The following SOS1 variants were observed in gnomAD, a reference collection of about 807,000 sequenced individuals.
SOS1 encodes the protein son of sevenless homolog 1.
Under a neutral mutation model 157.6 loss-of-function variants are expected in SOS1, and 25 were observed. The observed-to-expected ratio is 0.16, with a 90% CI of 0.12 to 0.22. SOS1 has a LOEUF of 0.22. Ranked by LOEUF, SOS1 falls within the 10% of genes least tolerant of loss-of-function variation. The probability of loss-of-function intolerance (pLI) is 1.00; values close to 1 mark genes in which losing one functional copy is unlikely to be tolerated. For missense variants in SOS1, 1,237 were observed against 1,599.1 expected (o/e 0.77, Z 3.86); for synonymous variants, 528 against 534.0 (o/e 0.99, Z 0.16).
intron 6 of SOS1, among the ~76,000 whole-genome samples, chr2:39,045,149 C>A (rs1158061000): frequency 6.6e-6 from 1 of 151,724 alleles, no homozygotes; most frequent in Admixed American, 6.6e-5. Context: ...TATTTTTCCC[C>A]AAAAATATTT....
intron 17 of SOS1, 126 bp from the exon 18 acceptor site, chr2:38,997,551 G>C (rs1420326220): frequency 3.4e-6 from 2 of 584,372 alleles, no homozygotes; most frequent in East Asian, 5.7e-5. Flanking sequence ...CCAAGGCTCA[G>C]ATTTCCATGA....
intron 8 of SOS1, among the ~76,000 whole-genome samples, chr2:39,030,098 C>T (rs745313924): frequency 6.0e-4 from 91 of 150,914 alleles, no homozygotes; most frequent in African/African-American, 1.3e-3. Flanking sequence ...CCCAGGTGGT[C>T]GAGGTTACAG....
intron 1 of SOS1, among the ~76,000 whole-genome samples, chr2:39,111,239 A>T (rs541321169): frequency 4.8e-4 from 73 of 152,306 alleles, no homozygotes; most frequent in African/African-American, 9.6e-4. Flanking sequence ...TCTCAAAAAA[A>T]AATAATAATA....
chr2:39,043,165 ATTGC>A (rs1670632099), intron 6 of SOS1, among the ~76,000 whole-genome samples: 1 of 152,192 alleles, frequency 6.6e-6, no homozygotes, highest in African/African-American at 2.4e-5. Flanking sequence ...GTTCCCTTCT[ATTGC>A]TTGTTTGCCC....
intron 1 of SOS1, among the ~76,000 whole-genome samples, chr2:39,089,658 T>TA (rs1259751615): frequency 2.0e-5 from 3 of 149,860 alleles, no homozygotes; most frequent in African/African-American, 7.4e-5. Context: ...AAAAGTAAAA[T>TA]AAATGTCCTT....
At chr2:38,997,739 T>A (rs1406915090) in intron 17 of SOS1, among the ~76,000 whole-genome samples, 1 of 152,052 alleles carries the variant, frequency 6.6e-6, no homozygotes, top group Non-Finnish European at 1.5e-5. Context: ...GAGACCAAGT[T>A]TAATAAAATT....
At chr2:39,056,206 G>C (rs1048078860) in intron 4 of SOS1, among the ~76,000 whole-genome samples, 1 of 152,146 alleles carries the variant, frequency 6.6e-6, no homozygotes, top group Non-Finnish European at 1.5e-5. Context: ...AAGGCGGTCA[G>C]GAGTTCGAGA....
intron 10 of SOS1, 70 bp downstream of exon 10, chr2:39,022,500 A>C: frequency 8.1e-7 from 1 of 1,230,438 alleles, no homozygotes; most frequent in Non-Finnish European, 1.2e-6. Flanking sequence ...AGGCACAATA[A>C]ACCCATGCAG....
At position 39,007,171 on chromosome 2, in the gene SOS1, A is replaced by G. The variant is rs368578645; in HGVS notation, c.2533T>C (p.Leu845=). The change falls in exon 16 of 23, where the codon TTA becomes CTA. Residue 845 remains leucine (L), a synonymous_variant. Transcript: ENST00000402219. ...CTCACCACAGCTACTCTTTCTTCTA[A>G]ATTTTCAGTTTCTACAATACATCTG... is the stretch of plus-strand genomic sequence containing the variant. The part of the protein sequence containing the change: ...FEKCIVETEN[L]EERVAVVSRI... 1.9e-6 allele frequency: 3 copies of G among 1,604,508 alleles called. No individual in the cohort carries two copies. The African/African-American group carries it at 4.0e-5, about 21-fold the overall frequency.
rs1668543469 is a variant in SOS1, at chr2:38,985,965, A to G, written c.3861T>C (p.Ile1287=). 1.2e-6 allele frequency: 2 copies of G among 1,613,972 alleles called. No homozygotes were observed. Among genetic ancestry groups the G allele is most frequent in the Non-Finnish European group, 1.7e-6 (2 of 1,179,902 alleles). The change falls in exon 23 of 23, where the codon ATT becomes ATC. Residue 1287 remains isoleucine, a synonymous_variant. Transcript: ENST00000402219. ...GTCGTGGAGGAACAGGCGGCCCAGC[A>G]ATGGAATGAAGGTCCACTTCTTGTG... is the stretch of plus-strand genomic sequence containing the variant. The part of the protein sequence containing the change: ...PLTQEVDLHS[I]AGPPVPPRQS...
At chr2:39,066,061 T>A (rs1193460127) in intron 2 of SOS1, among the ~76,000 whole-genome samples, 3 of 152,224 alleles carry the variant, frequency 2.0e-5, no homozygotes, top group Non-Finnish European at 4.4e-5. Flanking sequence ...CAGTTTCTCA[T>A]TGGATATGCC....
At position 38,997,295 on chromosome 2, in the gene SOS1, G is replaced by A. The variant is rs1270898564; in HGVS notation, c.2922C>T (p.Tyr974=). 7.4e-6 allele frequency: 12 copies of A among 1,612,374 alleles called. No individual in the cohort carries two copies. Among genetic ancestry groups the A allele is most frequent in the Non-Finnish European group, 1.0e-5 (12 of 1,178,898 alleles). The stretch of plus-strand genomic sequence containing the variant: ...CTCGTAAACAGTAAGGCTGATTTTG[G>A]TACTGCTGGATCTCTCCTGTTATTT... ...VAEITGEIQQ[Y]QNQPYCLRVE... Residue 974 remains tyrosine (Y), a synonymous_variant, in exon 18 of 23, where the codon TAC becomes TAT. Coordinates refer to ENST00000402219, the MANE Select transcript of SOS1 (RefSeq NM_005633.4).
intron 8 of SOS1, among the ~76,000 whole-genome samples, chr2:39,030,116 T>C (rs1318073011): frequency 1.3e-5 from 2 of 151,678 alleles, no homozygotes; most frequent in African/African-American, 4.8e-5. Flanking sequence ...CAGTGAGCTG[T>C]GATAGCACCA....
rs528738078 is a variant in SOS1 at position 39,104,119 on chromosome 2, T to TA, written c.87+16216dup. ...CAACATGGTGAAACCCCGTCTCTAT[T>TA]AAAAACCTAAAAATTAGCCAGGCAT... On this transcript the variant is annotated intron_variant, in intron 1 of 22. Transcript: ENST00000402219. Among the ~76,000 whole-genome samples, 99 of 152,058 alleles carry TA rather than the reference T, an allele frequency of 6.5e-4. No individual in the cohort carries two copies. The East Asian group carries it at 9.5e-3, about 15-fold the overall frequency.
chr2:39,087,353 G>A (rs898230339), intron 1 of SOS1, among the ~76,000 whole-genome samples: 1 of 152,208 alleles, frequency 6.6e-6, no homozygotes, highest in Admixed American at 6.5e-5. Flanking sequence ...GAACAGTGGA[G>A]CTGTCATATG....
chr2:39,065,406 G>A (rs1262485039), intron 2 of SOS1, among the ~76,000 whole-genome samples: 1 of 152,042 alleles, frequency 6.6e-6, no homozygotes, highest in Admixed American at 6.6e-5. Context: ...GTTTACATTA[G>A]GGACACACAA....
chr2:39,025,640 G>C (rs1439393009), intron 8 of SOS1, among the ~76,000 whole-genome samples: 2 of 152,002 alleles, frequency 1.3e-5, no homozygotes, highest in Non-Finnish European at 2.9e-5. Flanking sequence ...GATTACAGGC[G>C]TAAGCCACCA....
At chr2:39,013,733 C>A (rs1669538664) in intron 12 of SOS1, 134 bp downstream of exon 12, 1 of 901,094 alleles carries the variant, frequency 1.1e-6, no homozygotes, top group African/African-American at 1.7e-5. Flanking sequence ...TTTCTGATAA[C>A]TGCTCTAATT....
At chr2:39,123,992 A>T (rs1219484043), upstream of SOS1, among the ~76,000 whole-genome samples, 3 of 152,224 alleles carry the variant, frequency 2.0e-5, no homozygotes, top group Admixed American at 2.0e-4. Context: ...CTTAGCGGCC[A>T]GGGCAGGTTT....
Sources: allele counts gnomAD v4.1 joint callset (sites outside exome capture counted in the v4.1 genomes callset), GRCh38; gene constraint gnomAD v4.1.1; transcripts MANE v1.5; gene names NCBI Gene and HGNC (gene_info 2026-07-23, HGNC 2026-07-21).